The following CSMD1 variants were observed in gnomAD, a reference collection of about 807,000 sequenced individuals.
CSMD1 encodes the protein CUB and sushi domain-containing protein 1.
A neutral mutation model predicts 417.5 loss-of-function variants in CSMD1; 213 were observed. That is an observed-to-expected ratio of 0.51 (90% CI 0.46 to 0.57). CSMD1 has a LOEUF of 0.57. Among genes scored for constraint, CSMD1 ranks in the 20% least tolerant of loss-of-function variants. The probability of loss-of-function intolerance (pLI) is 0.00; values close to 1 mark genes in which losing one functional copy is unlikely to be tolerated. For missense variants in CSMD1, 6,923 were observed against 4,529.7 expected, an observed-to-expected ratio of 1.53 and a Z score of -15.17; for synonymous variants, 2,862 against 1,736.8, an observed-to-expected ratio of 1.65 and a Z score of -16.11.
intron 3 of CSMD1, among the ~76,000 whole-genome samples, chr8:4,267,745 G>C (rs1804310520): frequency 1.3e-5 from 2 of 152,136 alleles, no homozygotes; most frequent in South Asian, 4.2e-4. Flanking sequence ...CAAATTGTAA[G>C]GTGCCACTCT....
intron 26 of CSMD1, among the ~76,000 whole-genome samples, chr8:3,282,772 G>A (rs1563222303): frequency 6.6e-6 from 1 of 152,096 alleles, no homozygotes; most frequent in Admixed American, 6.6e-5. Context: ...AAATTGTGCA[G>A]ACTATAACCT....
At chr8:4,056,737 C>G (rs1412459093) in intron 3 of CSMD1, among the ~76,000 whole-genome samples, 1 of 151,914 alleles carries the variant, frequency 6.6e-6, no homozygotes, top group Non-Finnish European at 1.5e-5. Flanking sequence ...TTCCTGTGTC[C>G]ATGCGTTCTC....
At chr8:3,534,243 T>A (rs953265280) in intron 10 of CSMD1, among the ~76,000 whole-genome samples, 3 of 152,202 alleles carry the variant, frequency 2.0e-5, no homozygotes, top group African/African-American at 7.2e-5. Flanking sequence ...AAGATCTGCA[T>A]TCAATTATCT....
chr8:4,319,734 A>G (rs1420964666), intron 3 of CSMD1, among the ~76,000 whole-genome samples: 1 of 152,056 alleles, frequency 6.6e-6, no homozygotes. Context: ...AAGAACTGAG[A>G]CTTGCCGGGG....
At chr8:4,171,789 G>C (rs1383959276) in intron 3 of CSMD1, among the ~76,000 whole-genome samples, 1 of 151,906 alleles carries the variant, frequency 6.6e-6, no homozygotes, top group Non-Finnish European at 1.5e-5. Flanking sequence ...CAATTTACTT[G>C]AGTAACTTCA....
At chr8:3,900,846 C>T (rs149034019) in intron 5 of CSMD1, among the ~76,000 whole-genome samples, 145 of 152,312 alleles carry the variant, frequency 9.5e-4, no homozygotes, top group Non-Finnish European at 1.6e-3. Context: ...TTCTCATTTC[C>T]GAGCATTACT....
In CSMD1 at chr8:3,897,109, G is replaced by A. The variant is rs73495935; in HGVS notation, c.818+100794C>T. Among the ~76,000 whole-genome samples the A allele has an allele frequency of 3.6e-4, 55 of 152,232 alleles. No individual in the cohort carries two copies. The East Asian group carries it at 4.8e-3, about 13-fold the overall frequency. On this transcript the variant is annotated intron_variant, in intron 5 of 69. Coordinates refer to ENST00000635120, the MANE Select transcript of CSMD1 (RefSeq NM_033225.6). ...TCCTTTCAATACTGGATGTATTCAT[G>A]ACAGCACTGAAATCACAGAGACCCA...
chr8:3,633,119 C>T (rs1184266205), intron 7 of CSMD1, among the ~76,000 whole-genome samples: 1 of 152,134 alleles, frequency 6.6e-6, no homozygotes, highest in Non-Finnish European at 1.5e-5. Flanking sequence ...ACATTTATTT[C>T]TCTAACTTTA....
chr8:4,211,983 T>C (rs966597063), intron 3 of CSMD1, among the ~76,000 whole-genome samples: 1 of 152,096 alleles, frequency 6.6e-6, no homozygotes, highest in Non-Finnish European at 1.5e-5. Context: ...GCAGTATGTC[T>C]TCTGTTATAA....
chr8:4,820,483 A>G (rs969579601), intron 1 of CSMD1, among the ~76,000 whole-genome samples: 1 of 152,178 alleles, frequency 6.6e-6, no homozygotes, highest in African/African-American at 2.4e-5. Flanking sequence ...CAAAAAGCCT[A>G]CCAAAGAGCC....
chr8:3,527,816 G>C (rs917882622), intron 10 of CSMD1, among the ~76,000 whole-genome samples: 2 of 152,180 alleles, frequency 1.3e-5, no homozygotes, highest in Admixed American at 6.5e-5. Context: ...AAAACATCCT[G>C]TTTAATAACA....
intron 25 of CSMD1, among the ~76,000 whole-genome samples, chr8:3,300,958 C>CAAAAAAAAAAAAAAAAAAAAAAA (rs374180480): frequency 4.0e-5 from 2 of 50,602 alleles, no homozygotes; most frequent in Non-Finnish European, 3.6e-5. Flanking sequence ...GACTCTGTCT[C>CAAAAAAAAAAAAAAAAAAAAAAA]AAAAAAAAAA....
intron 7 of CSMD1, among the ~76,000 whole-genome samples, chr8:3,633,457 CAT>C (rs1796880791): frequency 6.6e-6 from 1 of 152,114 alleles, no homozygotes; most frequent in Non-Finnish European, 1.5e-5. Flanking sequence ...TAATATCTAA[CAT>C]ATGTATAATA....
intron 1 of CSMD1, among the ~76,000 whole-genome samples, chr8:4,883,275 A>T (rs1261070641): frequency 6.6e-6 from 1 of 152,138 alleles, no homozygotes; most frequent in Non-Finnish European, 1.5e-5. Context: ...TAATATAGAT[A>T]CAAGATAAAT....
intron 30 of CSMD1, among the ~76,000 whole-genome samples, chr8:3,205,992 C>T (rs1348762191): frequency 6.6e-6 from 1 of 152,044 alleles, no homozygotes; most frequent in Non-Finnish European, 1.5e-5. Context: ...TTAAGAGATA[C>T]AAAGATTATT....
chr8:4,285,527 G>A (rs10113352), intron 3 of CSMD1, among the ~76,000 whole-genome samples: 45,439 of 152,052 alleles, frequency 0.3, 6,819 homozygotes, highest in East Asian at 0.34. Flanking sequence ...TCTTGTTTTC[G>A]GATATCAGGG....
chr8:4,095,432 T>C (rs1046308852), intron 3 of CSMD1, among the ~76,000 whole-genome samples: 4 of 152,120 alleles, frequency 2.6e-5, no homozygotes, highest in African/African-American at 7.2e-5. Flanking sequence ...CAGCTAGTGA[T>C]TGTAGTTCTT....
intron 43 of CSMD1, among the ~76,000 whole-genome samples, chr8:3,109,403 G>A (rs572599687): frequency 6.6e-6 from 1 of 152,166 alleles, no homozygotes; most frequent in African/African-American, 2.4e-5. Flanking sequence ...CAGTTTCATT[G>A]TGGTCAACCT....
intron 5 of CSMD1, among the ~76,000 whole-genome samples, chr8:3,915,575 G>A (rs1276010731): frequency 6.7e-6 from 1 of 149,916 alleles, no homozygotes; most frequent in Non-Finnish European, 1.5e-5. Flanking sequence ...TTCTATAATA[G>A]TCAGACATTT....
Sources: gnomAD v4.1 joint callset for allele counts (sites outside exome capture counted in the v4.1 genomes callset) on GRCh38, gnomAD v4.1.1 for gene constraint, MANE v1.5 for transcripts, NCBI Gene and HGNC (gene_info 2026-07-23, HGNC 2026-07-21) for gene names.